Variants in PTK7 observed in about 807,000 individuals in gnomAD.
PTK7 encodes inactive tyrosine-protein kinase 7.
A neutral mutation model predicts 116.6 loss-of-function variants in PTK7; 39 were observed. The ratio of observed to expected loss-of-function variants is 0.33; its 90% CI spans 0.26 to 0.44. The LOEUF is 0.44. Among genes scored for constraint, PTK7 ranks in the 20% least tolerant of loss-of-function variants. PTK7 has a pLI of 1.00. For missense variants in PTK7, 1,169 were observed against 1,425.6 expected (o/e 0.82, Z 2.90); for synonymous variants, 546 against 563.6 (o/e 0.97, Z 0.44).
At chr6:43,126,261 A>T (rs1441160877) in intron 1 of PTK7, among the ~76,000 whole-genome samples, 2 of 152,164 alleles carry the variant, frequency 1.3e-5, no homozygotes, top group African/African-American at 2.4e-5. Flanking sequence ...TGGAGGTTGC[A>T]GTGAGCCAAG....
At position 43,143,363 on chromosome 6, in the gene PTK7, C is replaced by A. The variant is rs1327959713; in HGVS notation, c.2048-54C>A. The A allele has an allele frequency of 5.8e-6, 9 of 1,559,530 alleles. No homozygotes were observed. The East Asian group carries it at 6.8e-5, about 12-fold the overall frequency. On this transcript the variant is annotated intron_variant, in intron 13 of 19. Transcript: ENST00000230419. The surrounding 1 kb of genome is among the most constrained non-coding windows in gnomAD (Gnocchi z 4.2). ...GGGTTGGGAGGAGTTAGTAGAGAAG[C>A]AGGGCTTCTTTTGCTTAGCAGCCCC...
intron 1 of PTK7, among the ~76,000 whole-genome samples, chr6:43,106,926 ATT>A (rs36100312): frequency 0.075 from 8,584 of 114,984 alleles, 384 homozygotes; most frequent in African/African-American, 0.14. Context: ...TCTTCCCTGA[ATT>A]TTTTTTTTTT....
At chr6:43,130,480 G>A (rs780691445) in intron 4 of PTK7, 31 bp from the exon 5 acceptor site, 1 of 1,610,764 alleles carries the variant, frequency 6.2e-7, no homozygotes, top group South Asian at 1.1e-5. Context: ...CACCACCCAG[G>A]CTGCATGCTC....
intron 1 of PTK7, among the ~76,000 whole-genome samples, chr6:43,081,750 C>A (rs1766395808): frequency 6.6e-6 from 1 of 152,098 alleles, no homozygotes; most frequent in Non-Finnish European, 1.5e-5. Context: ...GTGAATGAAC[C>A]ATTTGGGTGC....
At chr6:43,098,201 C>T (rs1205871519) in intron 1 of PTK7, among the ~76,000 whole-genome samples, 1 of 152,090 alleles carries the variant, frequency 6.6e-6, no homozygotes, top group Non-Finnish European at 1.5e-5. Context: ...GCCCTTAAGG[C>T]ACTGCTTGCT....
At chr6:43,144,787 A>G in intron 15 of PTK7, 181 bp downstream of exon 15, 1 of 630,516 alleles carries the variant, frequency 1.6e-6, no homozygotes, top group Non-Finnish European at 2.5e-6. Flanking sequence ...CCCTTCGTGC[A>G]GATTTTGTCA....
intron 1 of PTK7, among the ~76,000 whole-genome samples, chr6:43,099,142 G>A (rs1294635675): frequency 1.3e-5 from 2 of 150,256 alleles, no homozygotes; most frequent in Non-Finnish European, 3.0e-5. Flanking sequence ...TGTGACTTTG[G>A]CAATTCTAAT....
intron 1 of PTK7, among the ~76,000 whole-genome samples, chr6:43,112,500 G>GTC (rs536276650): frequency 4.6e-5 from 7 of 151,326 alleles, no homozygotes; most frequent in East Asian, 1.9e-4. Flanking sequence ...TTGTCTATCT[G>GTC]TCTCTCTCTC....
intron 17 of PTK7, 48 bp from the exon 18 acceptor site, chr6:43,158,769 T>C: frequency 6.3e-7 from 1 of 1,588,774 alleles, no homozygotes; most frequent in Non-Finnish European, 8.6e-7. Context: ...GGTGGTCATC[T>C]TGATGCCTAT....
chr6:43,125,141 C>T (rs1769212808), intron 1 of PTK7, among the ~76,000 whole-genome samples: 1 of 152,144 alleles, frequency 6.6e-6, no homozygotes, highest in African/African-American at 2.4e-5. Flanking sequence ...CATTGCATTC[C>T]AGCCTGGGCA....
Position 43,142,521 on chromosome 6 carries a change from T to G in PTK7, c.2047+222T>G, listed in dbSNP as rs1035156674. 3.0e-5 allele frequency: 20 copies of G among 675,008 alleles called. No homozygotes were observed. The East Asian group carries it at 4.9e-4, about 17-fold the overall frequency. 41.8% of individuals were successfully genotyped at this position (675,008 alleles called of 1,614,324 possible). ...ACGGTCGGTGTGTGTGTGTGTGTGTTGTGGGGGAGTGGGGGGGTGTTCTCT... is the reference window on the plus strand; with the variant it reads ...ACGGTCGGTGTGTGTGTGTGTGTGTGGTGGGGGAGTGGGGGGGTGTTCTCT... On this transcript the variant is annotated intron_variant, in intron 13 of 19. Coordinates refer to ENST00000230419, the MANE Select transcript of PTK7 (RefSeq NM_002821.5).
At chr6:43,118,645 CTCTCTCTCTCTCTCTATATATATA>C (rs1215105961) in intron 1 of PTK7, among the ~76,000 whole-genome samples, 2 of 85,910 alleles carry the variant, frequency 2.3e-5, no homozygotes, top group East Asian at 3.0e-4. Flanking sequence ...CTCTCTCTCT[CTCTCTCTCTCTCTCTATATATATA>C]TATATATATA....
intron 1 of PTK7, among the ~76,000 whole-genome samples, chr6:43,104,794 G>A (rs1001229419): frequency 4.1e-5 from 6 of 145,156 alleles, no homozygotes; most frequent in African/African-American, 1.3e-4. Flanking sequence ...TTAAGAAAGC[G>A]TAAATTAGCA....
At chr6:43,127,747 G>A (rs944114240) in intron 1 of PTK7, among the ~76,000 whole-genome samples, 5 of 152,154 alleles carry the variant, frequency 3.3e-5, no homozygotes, top group South Asian at 2.1e-4. Context: ...GGCTAACACC[G>A]TCAAACCCCA....
intron 1 of PTK7, among the ~76,000 whole-genome samples, chr6:43,080,088 C>T (rs913654259): frequency 2.7e-5 from 4 of 150,344 alleles, no homozygotes; most frequent in Admixed American, 6.6e-5. Context: ...TGCAGTGGCT[C>T]ACGCCTGTAA....
At chr6:43,102,443 G>A (rs1767636611) in intron 1 of PTK7, among the ~76,000 whole-genome samples, 1 of 151,322 alleles carries the variant, frequency 6.6e-6, no homozygotes, top group African/African-American at 2.4e-5. Context: ...AAAAAAATTA[G>A]CCGGTTGTGT....
In PTK7 at chr6:43,129,917, G is replaced by A. The variant is rs1413003415; in HGVS notation, c.470+88G>A. 3.9e-6 allele frequency: 5 copies of A among 1,277,560 alleles called. No individual in the cohort carries two copies. The highest frequency in any genetic ancestry group is 5.6e-6 in the Non-Finnish European group (5 of 896,990). The allele number at this position is 1,277,560 out of a possible 1,614,324, so 79.1% of individuals were successfully genotyped here. A position where few individuals can be genotyped will look rare whatever the true frequency, so the allele number is the denominator to read the frequency against. ...TTGGACTCTATGCGGATGTTACCTC[G>A]CTCCATTCTGTGACCACTCGTTCCA... On this transcript the variant is annotated intron_variant, in intron 3 of 19. Transcript: ENST00000230419. This position sits in a 1 kb window ranked among gnomAD's most constrained non-coding sequence, Gnocchi z 4.5.
In PTK7 at chr6:43,140,832, ATTAT is replaced by A. The variant is rs1245406871; in HGVS notation, c.1619-829_1619-826del. Among the ~76,000 whole-genome samples, 12 of 152,120 alleles carry A rather than the reference ATTAT, an allele frequency of 7.9e-5. No individual in the cohort carries two copies. In the South Asian group the frequency reaches 1.2e-3, roughly 16 times the overall value. The stretch of plus-strand genomic sequence containing the variant: ...GTAGTTTTTAAAAATATTTTTTAAA[ATTAT>A]TTATTTTTATTTTTTTTGTAACGGT... On this transcript the variant is annotated intron_variant, in intron 10 of 19. Transcript: ENST00000230419.
At chr6:43,096,776 G>T (rs1767284863) in intron 1 of PTK7, among the ~76,000 whole-genome samples, 1 of 152,266 alleles carries the variant, frequency 6.6e-6, no homozygotes, top group South Asian at 2.1e-4. Flanking sequence ...CCTGAGCTGG[G>T]CTGTCAGCAA....
Sources: gnomAD v4.1 joint callset for allele counts (sites outside exome capture counted in the v4.1 genomes callset) on GRCh38, gnomAD v4.1.1 for gene constraint, Gnocchi (gnomAD v3.1) non-coding constraint, MANE v1.5 for transcripts, NCBI Gene and HGNC (gene_info 2026-07-23, HGNC 2026-07-21) for gene names.